Variants in GADL1 observed in about 807,000 individuals in gnomAD.
GADL1 encodes the protein acidic amino acid decarboxylase GADL1.
In GADL1, 71 loss-of-function variants were observed where a neutral mutation model predicts 69.5. The ratio of observed to expected loss-of-function variants is 1.02; its 90% CI spans 0.84 to 1.25. The LOEUF (loss-of-function observed/expected upper bound fraction) is 1.25. GADL1 is among the 50% of genes most tolerant of loss of function. The pLI is 0.00. For missense variants in GADL1, 737 were observed against 631.8 expected (o/e 1.17, Z -1.79); for synonymous variants, 254 against 214.4 (o/e 1.18, Z -1.62).
At chr3:30,863,194 C>T (rs1438041413) in intron 1 of GADL1, among the ~76,000 whole-genome samples, 1 of 151,972 alleles carries the variant, frequency 6.6e-6, no homozygotes, top group East Asian at 1.9e-4. Context: ...TGTTTTAATT[C>T]TATGTTTAAA....
intron 14 of GADL1, among the ~76,000 whole-genome samples, chr3:30,772,142 T>TGGTGA (rs1696431451): frequency 6.9e-6 from 1 of 144,378 alleles, no homozygotes; most frequent in South Asian, 2.2e-4. Flanking sequence ...TCATCAAGTT[T>TGGTGA]TATCACCAAA....
chr3:30,761,951 G>A (rs808476), intron 14 of GADL1, among the ~76,000 whole-genome samples: 64,321 of 151,870 alleles, frequency 0.42, 13,684 homozygotes, highest in Non-Finnish European at 0.44. Flanking sequence ...ATCTGGGGCC[G>A]TGGGAGTGAG....
intron 4 of GADL1, among the ~76,000 whole-genome samples, chr3:30,851,546 C>T (rs1698147196): frequency 6.6e-6 from 1 of 152,156 alleles, no homozygotes; most frequent in African/African-American, 2.4e-5. Flanking sequence ...GGCTGGAACG[C>T]TGTTGTCAGA....
intron 13 of GADL1, among the ~76,000 whole-genome samples, chr3:30,785,028 C>A (rs1314655811): frequency 2.6e-5 from 4 of 152,182 alleles, no homozygotes; most frequent in Non-Finnish European, 4.4e-5. Context: ...TATCTTTATT[C>A]AGGTCTCAGC....
At chr3:30,842,621 C>G (rs939933043) in intron 8 of GADL1, among the ~76,000 whole-genome samples, 2 of 151,696 alleles carry the variant, frequency 1.3e-5, no homozygotes, top group Non-Finnish European at 2.9e-5. Flanking sequence ...TATTCCCCAC[C>G]AACAAGCATT....
chr3:30,829,550 A>G (rs560330235), intron 11 of GADL1, among the ~76,000 whole-genome samples: 2 of 151,884 alleles, frequency 1.3e-5, no homozygotes, highest in Non-Finnish European at 2.9e-5. Context: ...GGACCTAGGC[A>G]ATAGAGCTTA....
In GADL1 at chr3:30,775,880, T is replaced by C. The variant is rs1265404241; in HGVS notation, c.1392+2299A>G. 3.3e-5 allele frequency among the ~76,000 whole-genome samples: 5 copies of C among 152,302 alleles called. No homozygotes were observed. In the South Asian group the frequency reaches 8.3e-4, roughly 25 times the overall value. ...GGGAGGCCGAGGCAGGTGGATCACC[T>C]GAGGTCAAAGCCTGGCCAACATGGT... On this transcript the variant is annotated intron_variant, in intron 14 of 14. Transcript: ENST00000282538.
chr3:30,775,232 C>T (rs1469399155), intron 14 of GADL1, among the ~76,000 whole-genome samples: 36 of 152,174 alleles, frequency 2.4e-4, no homozygotes, highest in Admixed American at 2.2e-3. Flanking sequence ...ATCCCTCTCC[C>T]CTTCTGCCGC....
chr3:30,861,836 A>C, intron 1 of GADL1, 71 bp from the exon 2 acceptor site: 1 of 910,822 alleles, frequency 1.1e-6, no homozygotes, highest in Non-Finnish European at 1.6e-6. Context: ...ACGGGACAAA[A>C]TGCATCACTA....
rs540743077 is a variant in GADL1, at chr3:30,787,489, C to T, written c.1251-1083G>A. ...ACGAGCCTTTGAAATATTCACAACA[C>T]TTGACCCAGTACTTCAAATCTAGGA... On this transcript the variant is annotated intron_variant, in intron 12 of 14. Transcript: ENST00000282538. Among the ~76,000 whole-genome samples the T allele has an allele frequency of 7.2e-5, 11 of 152,272 alleles. No homozygotes were observed. In the South Asian group the frequency reaches 2.3e-3, roughly 32 times the overall value.
rs1443189283 is a variant in GADL1 at position 30,727,713 on chromosome 3, A to G, written c.*529T>C. ...ATCATTACAAGGTTTTTCTTAAACC[A>G]GTGTTTCTCGGATTTTACTGTGCAT... On this transcript the variant is annotated 3_prime_UTR_variant, in exon 15 of 15. Transcript: ENST00000282538. 6.6e-6 allele frequency: 1 copy of G among 152,206 alleles called. No homozygotes were observed. The highest frequency in any genetic ancestry group is 1.9e-4 in the East Asian group (1 of 5,194). The allele number at this position is 152,206 out of a possible 1,614,324, so 9.4% of individuals were successfully genotyped here.
Position 30,833,847 on chromosome 3 carries a change from AC to A in GADL1, c.1050+5del. The A allele has an allele frequency of 6.2e-7, 1 of 1,608,026 alleles. No individual in the cohort carries two copies. Among genetic ancestry groups the A allele is most frequent in the Non-Finnish European group, 8.5e-7 (1 of 1,174,972 alleles). On this transcript the variant is annotated splice_donor_5th_base_variant and intron_variant, in intron 11 of 14. Transcript: ENST00000282538. ...AAGCCCAAAGGACCACAAGAGGAAA[AC>A]TTACAGATTTGTCTTTCACAAGGAG...
At chr3:30,767,939 AT>A (rs1696322827) in intron 14 of GADL1, among the ~76,000 whole-genome samples, 1 of 152,116 alleles carries the variant, frequency 6.6e-6, no homozygotes, top group African/African-American at 2.4e-5. Flanking sequence ...TACACTGACA[AT>A]CAGTAAAGAG....
intron 14 of GADL1, among the ~76,000 whole-genome samples, chr3:30,745,563 T>C (rs1282562433): frequency 1.3e-5 from 2 of 152,212 alleles, no homozygotes. Flanking sequence ...AAGTCAATTT[T>C]GTTATTCATT....
intron 1 of GADL1, among the ~76,000 whole-genome samples, chr3:30,891,246 T>C (rs1698782078): frequency 6.6e-6 from 1 of 152,134 alleles, no homozygotes; most frequent in Non-Finnish European, 1.5e-5. Flanking sequence ...CAAGCTGCTT[T>C]GATCCTTAGC....
chr3:30,769,434 C>CTTCCCTCTT (rs1250107252), intron 14 of GADL1, among the ~76,000 whole-genome samples: 5 of 152,114 alleles, frequency 3.3e-5, no homozygotes, highest in South Asian at 2.1e-4. Context: ...AAGAGGGAAG[C>CTTCCCTCTT]TGAGGATGAT....
intron 14 of GADL1, among the ~76,000 whole-genome samples, chr3:30,771,329 C>A (rs1266879188): frequency 6.6e-6 from 1 of 152,152 alleles, no homozygotes; most frequent in South Asian, 2.1e-4. Flanking sequence ...GAATGCATGA[C>A]AAATTGTACA....
chr3:30,797,161 G>C (rs189317439), intron 12 of GADL1, among the ~76,000 whole-genome samples: 2 of 152,244 alleles, frequency 1.3e-5, no homozygotes, highest in African/African-American at 4.8e-5. Flanking sequence ...TCAAGAATGC[G>C]CTGGCTAGTA....
chr3:30,759,519 G>A (rs762364052), intron 14 of GADL1, among the ~76,000 whole-genome samples: 1 of 152,204 alleles, frequency 6.6e-6, no homozygotes, highest in Non-Finnish European at 1.5e-5. Flanking sequence ...TTGGCACAAA[G>A]CATTTGCTGA....
Sources: gnomAD v4.1 joint callset for allele counts (sites outside exome capture counted in the v4.1 genomes callset) on GRCh38, gnomAD v4.1.1 for gene constraint, MANE v1.5 for transcripts, NCBI Gene and HGNC (gene_info 2026-07-23, HGNC 2026-07-21) for gene names.